The following PSMF1 variants were observed in gnomAD, a reference collection of about 807,000 sequenced individuals.
PSMF1 encodes the protein proteasome inhibitor subunit 1, also known as proteasome inhibitor PI31 subunit.
In PSMF1, 30 loss-of-function variants were observed where a neutral mutation model predicts 29.3. The ratio of observed to expected loss-of-function variants is 1.02; its 90% confidence interval spans 0.77 to 1.39. The LOEUF (loss-of-function observed/expected upper bound fraction) is 1.39. PSMF1 is among the 40% of genes most tolerant of loss of function. The pLI is 0.00. For missense variants in PSMF1, 344 were observed against 357.5 expected (o/e 0.96, Z 0.31); for synonymous variants, 134 against 139.7 (o/e 0.96, Z 0.29).
intron 1 of PSMF1, among the ~76,000 whole-genome samples, chr20:1,124,206 T>C (rs528184105): frequency 6.7e-4 from 102 of 152,296 alleles, no homozygotes; most frequent in Non-Finnish European, 1.1e-3. Context: ...GTTTAAGAAA[T>C]CTTCCCCACC....
chr20:1,155,093 G>A (rs1339879777), intron 4 of PSMF1, among the ~76,000 whole-genome samples: 2 of 152,224 alleles, frequency 1.3e-5, no homozygotes, highest in Non-Finnish European at 2.9e-5. Context: ...AGAGTTTTAA[G>A]TACCGCTAAA....
chr20:1,125,419 T>G, intron 1 of PSMF1, 79 bp from the exon 2 acceptor site: 1 of 1,427,308 alleles, frequency 7.0e-7, no homozygotes, highest in Non-Finnish European at 9.4e-7. Context: ...GTGGGTAAGA[T>G]TAGCTTATCT....
At chr20:1,153,062 A>G (rs540406492) in intron 4 of PSMF1, among the ~76,000 whole-genome samples, 7 of 152,300 alleles carry the variant, frequency 4.6e-5, no homozygotes, top group East Asian at 3.9e-4. Context: ...CTATGTTTCA[A>G]TGTCATTTCC....
chr20:1,139,531 C>G (rs2086353658), intron 4 of PSMF1, among the ~76,000 whole-genome samples: 1 of 152,054 alleles, frequency 6.6e-6, no homozygotes, highest in Non-Finnish European at 1.5e-5. Flanking sequence ...AGCAATGTGG[C>G]AGGATATAAA....
intron 4 of PSMF1, among the ~76,000 whole-genome samples, chr20:1,148,829 C>G (rs536771060): frequency 6.6e-6 from 1 of 151,934 alleles, no homozygotes; most frequent in Admixed American, 6.6e-5. Context: ...TCTCAGGAAC[C>G]CTCTAGCACT....
At chr20:1,117,028 A>G (rs2086017920), upstream of PSMF1, among the ~76,000 whole-genome samples, 1 of 152,268 alleles carries the variant, frequency 6.6e-6, no homozygotes, top group Non-Finnish European at 1.5e-5. Context: ...CTGGAGGATC[A>G]GACCAGAGTG....
At chr20:1,162,840 A>G (rs1335789241) in intron 4 of PSMF1, among the ~76,000 whole-genome samples, 2 of 152,218 alleles carry the variant, frequency 1.3e-5, no homozygotes, top group Admixed American at 1.3e-4. Context: ...AGTTGAAGAA[A>G]CTGAGAAAGT....
chr20:1,135,008 C>T (rs904731673), intron 3 of PSMF1, 113 bp from the exon 4 acceptor site: 10 of 1,040,224 alleles, frequency 9.6e-6, no homozygotes, highest in African/African-American at 4.7e-5. Flanking sequence ...ACAGGCCAAG[C>T]GCAATGCCAG....
Position 1,171,203 on chromosome 20 carries a change from A to T in PSMF1, c.*6123A>T, listed in dbSNP as rs1600183316. 6.6e-6 allele frequency among the ~76,000 whole-genome samples: 1 copy of T among 152,084 alleles called. No homozygotes were observed. The highest frequency in any genetic ancestry group is 2.4e-5 in the African/African-American group (1 of 41,390). On this transcript the variant is annotated 3_prime_UTR_variant, in exon 7 of 7. Transcript: ENST00000335877. ...CACAGCGTGCCTCATGCTCCTGAGT[A>T]CCTCCACCTGCAGCCACAGTGCCCA...
rs6108663 is a variant in PSMF1 at position 1,139,757 on chromosome 20, A to G, written c.551+4451A>G. The stretch of plus-strand genomic sequence containing the variant: ...GAGACTCCATCTCAAAAAAAAAAAA[A>G]CGATAAAAATCAGTTGTATTTCTGT... On this transcript the variant is annotated intron_variant, in intron 4 of 6. Coordinates refer to ENST00000335877, the MANE Select transcript of PSMF1 (RefSeq NM_006814.5). Among the ~76,000 whole-genome samples, 82 of 147,758 alleles carry G rather than the reference A, an allele frequency of 5.5e-4. 1 individual carries two copies. The highest frequency in any genetic ancestry group is 6.3e-4 in the Non-Finnish European group (42 of 67,152).
chr20:1,164,238 G>C lies in PSMF1; in HGVS notation c.606-80G>C, dbSNP rs1213848897. ...AGAGTAGACATCCCAGCCATTCTTG[G>C]TGCATTGTAACCTCCCTCGCCTTTT... On this transcript the variant is annotated intron_variant, in intron 5 of 6. Transcript: ENST00000335877. The surrounding 1 kb of genome is among the most constrained non-coding windows in gnomAD (Gnocchi z 4.1). 7.2e-7 allele frequency: 1 copy of C among 1,396,262 alleles called. No individual in the cohort carries two copies. The highest frequency in any genetic ancestry group is 1.0e-6 in the Non-Finnish European group (1 of 987,232). The allele number at this position is 1,396,262 out of a possible 1,614,324, so 86.5% of individuals were successfully genotyped here.
chr20:1,119,422 A>G lies in PSMF1; in HGVS notation c.129+520A>G, dbSNP rs145604646. On this transcript the variant is annotated intron_variant, in intron 1 of 6. Transcript: ENST00000335877. ...CAGGGCCCTTTTTTCACCCGTTAGC[A>G]TGGGCCCAGAGAGTTCACACGCCTT... Among the ~76,000 whole-genome samples the G allele has an allele frequency of 3.0e-3, 449 of 152,156 alleles. 3 individuals carry two copies. Among genetic ancestry groups the G allele is most frequent in the African/African-American group, 0.01 (425 of 41,500 alleles).
intron 4 of PSMF1, among the ~76,000 whole-genome samples, chr20:1,162,821 A>G (rs1228108161): frequency 6.6e-6 from 1 of 152,206 alleles, no homozygotes; most frequent in African/African-American, 2.4e-5. Flanking sequence ...TTCTTGGTTC[A>G]TTATACAAAG....
chr20:1,115,375 T>C (rs944340548), upstream of PSMF1, among the ~76,000 whole-genome samples: 2 of 152,228 alleles, frequency 1.3e-5, no homozygotes, highest in African/African-American at 4.8e-5. Flanking sequence ...CGGAGCTGTC[T>C]GCCCTGGTGC....
intron 2 of PSMF1, 111 bp downstream of exon 2, chr20:1,125,761 C>CTAG (rs2086147884): frequency 7.4e-7 from 1 of 1,360,286 alleles, no homozygotes; most frequent in African/African-American, 1.4e-5. Context: ...TAGCCCTTAC[C>CTAG]TAGTGATCCC....
chr20:1,133,569 A>ATATATATATATATATATATATTTTTT, intron 3 of PSMF1, among the ~76,000 whole-genome samples: 12 of 53,294 alleles, frequency 2.3e-4, no homozygotes, highest in Admixed American at 5.9e-4. Context: ...ATATATATAT[A>ATATATATATATATATATATATTTTTT]TTTTTTTTTT....
rs530328794 is a variant in PSMF1 at position 1,130,630 on chromosome 20, G to A, written c.365+3122G>A. Among the ~76,000 whole-genome samples the A allele has an allele frequency of 1.5e-3, 224 of 152,246 alleles. 2 individuals are homozygous for A. The highest frequency in any genetic ancestry group is 0.013 in the Admixed American group (199 of 15,302). ...AGGCTTACAGCTTCAAAACATTTTA[G>A]TAAAATGTTTTTTTTGGAGTCAGGT... On this transcript the variant is annotated intron_variant, in intron 3 of 6. Coordinates refer to ENST00000335877, the MANE Select transcript of PSMF1 (RefSeq NM_006814.5).
rs73890801 is a variant in PSMF1 at position 1,162,803 on chromosome 20, C to T, written c.552-327C>T. 6.8e-3 allele frequency among the ~76,000 whole-genome samples: 1,028 copies of T among 152,108 alleles called. 13 individuals are homozygous for T. Among genetic ancestry groups the T allele is most frequent in the African/African-American group, 0.024 (981 of 41,456 alleles). On this transcript the variant is annotated intron_variant, in intron 4 of 6. Transcript: ENST00000335877. ...GGGTTTAAGAATAATATTTTTCTGA[C>T]GTAAAACTTCTTGGTTCATTATACA...
chr20:1,143,204 T>C (rs1340223771), intron 4 of PSMF1, among the ~76,000 whole-genome samples: 1 of 152,196 alleles, frequency 6.6e-6, no homozygotes, highest in Non-Finnish European at 1.5e-5. Flanking sequence ...CTATAACAAT[T>C]TTTTAAAAGA....
Sources: gnomAD v4.1 joint callset for allele counts (sites outside exome capture counted in the v4.1 genomes callset) on GRCh38, gnomAD v4.1.1 for gene constraint, Gnocchi (gnomAD v3.1) non-coding constraint, MANE v1.5 for transcripts, NCBI Gene and HGNC (gene_info 2026-07-23, HGNC 2026-07-21) for gene names.